The following ATXN2 variants were observed in gnomAD, a reference collection of about 807,000 sequenced individuals.
The protein encoded by ATXN2 is ataxin-2.
A neutral mutation model predicts 138.6 loss-of-function variants in ATXN2; 37 were observed. That is an observed-to-expected ratio of 0.27 (90% CI 0.21 to 0.35). The LOEUF is 0.35. ATXN2 is among the 10% of genes least tolerant of loss of function. The pLI, the probability that ATXN2 is intolerant of heterozygous loss-of-function variation, is 1.00. For synonymous variants in ATXN2, 549 were observed against 543.7 expected (o/e 1.01, Z -0.13); for missense variants, 1,216 against 1,480.3 (o/e 0.82, Z 2.93).
At chr12:111,532,853 G>GAAAA (rs33992543) in intron 5 of ATXN2, among the ~76,000 whole-genome samples, 25 of 121,754 alleles carry the variant, frequency 2.1e-4, no homozygotes, top group African/African-American at 6.8e-4. Context: ...TAGGTTTAAG[G>GAAAA]AAAAAAAAAA....
intron 20 of ATXN2, chr12:111,468,869 T>A (rs1451970447): frequency 6.6e-6 from 1 of 151,980 alleles, no homozygotes; most frequent in African/African-American, 2.4e-5. Context: ...CCCGGCCAAT[T>A]TTTTGGATTT....
At chr12:111,537,003 G>A (rs899652210) in intron 5 of ATXN2, among the ~76,000 whole-genome samples, 1 of 151,654 alleles carries the variant, frequency 6.6e-6, no homozygotes. Context: ...GGCTGGTCTC[G>A]AACTCCCGGC....
chr12:111,490,424 C>T (rs990729148), intron 14 of ATXN2, among the ~76,000 whole-genome samples: 4 of 151,954 alleles, frequency 2.6e-5, no homozygotes, highest in African/African-American at 9.7e-5. Flanking sequence ...CTGGACTAAG[C>T]GCTGGGCCTA....
chr12:111,593,907 G>A (rs2135854081), intron 1 of ATXN2, among the ~76,000 whole-genome samples: 1 of 152,182 alleles, frequency 6.6e-6, no homozygotes, highest in East Asian at 1.9e-4. Context: ...TACTAATGAA[G>A]CCACATGACT....
chr12:111,485,663 A>C, intron 17 of ATXN2, 50 bp downstream of exon 17: 1 of 1,601,400 alleles, frequency 6.2e-7, no homozygotes, highest in Non-Finnish European at 8.5e-7. Flanking sequence ...GCTTGGTGTC[A>C]GATACAAACA....
At chr12:111,550,489 C>T (rs1471484933) in intron 5 of ATXN2, among the ~76,000 whole-genome samples, 2 of 151,948 alleles carry the variant, frequency 1.3e-5, no homozygotes, top group African/African-American at 4.8e-5. Context: ...AATACTCTTT[C>T]CAGAGTGCTA....
intron 1 of ATXN2, among the ~76,000 whole-genome samples, chr12:111,591,959 G>A (rs1327006064): frequency 6.6e-6 from 1 of 151,724 alleles, no homozygotes; most frequent in Non-Finnish European, 1.5e-5. Flanking sequence ...GCAGGCACCT[G>A]TAATCTCAGC....
intron 18 of ATXN2, among the ~76,000 whole-genome samples, chr12:111,475,568 A>G (rs1181256127): frequency 8.9e-5 from 13 of 145,318 alleles, no homozygotes; most frequent in African/African-American, 3.3e-4. Context: ...CAACTCAACT[A>G]CAACTTCCGC....
At chr12:111,498,939 C>T (rs899479928) in intron 14 of ATXN2, among the ~76,000 whole-genome samples, 1 of 152,110 alleles carries the variant, frequency 6.6e-6, no homozygotes, top group African/African-American at 2.4e-5. Context: ...CATGAACATA[C>T]ACTGGGGAAA....
intron 14 of ATXN2, among the ~76,000 whole-genome samples, chr12:111,494,975 A>G (rs1407867560): frequency 6.6e-6 from 1 of 152,158 alleles, no homozygotes; most frequent in Non-Finnish European, 1.5e-5. Context: ...TAAATCGACT[A>G]AACTCTCCAA....
At chr12:111,476,445 A>T (rs1364132195) in intron 18 of ATXN2, among the ~76,000 whole-genome samples, 1 of 151,624 alleles carries the variant, frequency 6.6e-6, no homozygotes, top group Non-Finnish European at 1.5e-5. Context: ...TCAGTAATGC[A>T]CCAGTACAAT....
intron 18 of ATXN2, among the ~76,000 whole-genome samples, chr12:111,484,711 C>T (rs1877515332): frequency 1.3e-5 from 2 of 151,850 alleles, no homozygotes; most frequent in Non-Finnish European, 2.9e-5. Context: ...GCTGGGATTA[C>T]AGGCATAAGC....
At chr12:111,499,441 C>T (rs1385655220) in intron 14 of ATXN2, among the ~76,000 whole-genome samples, 2 of 152,188 alleles carry the variant, frequency 1.3e-5, no homozygotes, top group African/African-American at 4.8e-5. Flanking sequence ...CAGCAGCTCA[C>T]GCCTGTAATC....
At chr12:111,457,545 C>A (rs1875204896) in intron 21 of ATXN2, 186 bp from the exon 22 acceptor site, 1 of 597,402 alleles carries the variant, frequency 1.7e-6, no homozygotes, top group Non-Finnish European at 2.8e-6. Flanking sequence ...TATTGCTTAA[C>A]AGACTAGCAT....
At chr12:111,592,654 G>A (rs1376553932) in intron 1 of ATXN2, among the ~76,000 whole-genome samples, 1 of 150,310 alleles carries the variant, frequency 6.7e-6, no homozygotes, top group Non-Finnish European at 1.5e-5. Context: ...GTGGTGGTGT[G>A]CGCATGTAGA....
chr12:111,499,450 T>TC (rs1257927043), intron 14 of ATXN2, among the ~76,000 whole-genome samples: 1 of 152,204 alleles, frequency 6.6e-6, no homozygotes, highest in African/African-American at 2.4e-5. Flanking sequence ...ACGCCTGTAA[T>TC]CCTAGCACTT....
intron 18 of ATXN2, among the ~76,000 whole-genome samples, chr12:111,475,486 T>C (rs1876744162): frequency 6.7e-6 from 1 of 149,560 alleles, no homozygotes; most frequent in Admixed American, 6.7e-5. Context: ...CTTTTCTGTT[T>C]CTTTTTTTTT....
chr12:111,562,118 T>C (rs1368119600), intron 1 of ATXN2, among the ~76,000 whole-genome samples: 2 of 148,518 alleles, frequency 1.3e-5, no homozygotes, highest in African/African-American at 4.9e-5. Context: ...GCCTCGAGAC[T>C]CCACCTTAAA....
At chr12:111,543,765 A>G (rs1476614085) in intron 5 of ATXN2, among the ~76,000 whole-genome samples, 1 of 152,224 alleles carries the variant, frequency 6.6e-6, no homozygotes, top group Non-Finnish European at 1.5e-5. Flanking sequence ...AACTCCCTGA[A>G]GAAACTGTGA....
Sources: allele counts gnomAD v4.1 joint callset (sites outside exome capture counted in the v4.1 genomes callset), GRCh38; gene constraint gnomAD v4.1.1; transcripts MANE v1.5; gene names NCBI Gene and HGNC (gene_info 2026-07-23, HGNC 2026-07-21).